Variants in SSPN observed in about 807,000 individuals in gnomAD.
SSPN encodes sarcospan.
SSPN carries 15 observed loss-of-function variants against 19.1 expected under a neutral mutation model. The ratio of observed to expected loss-of-function variants is 0.78; its 90% CI spans 0.52 to 1.21. The LOEUF (loss-of-function observed/expected upper bound fraction) is 1.21. SSPN is among the 50% of genes most tolerant of loss of function. SSPN has a pLI of 0.00. For synonymous variants in SSPN, 147 were observed against 140.3 expected (o/e 1.05, Z -0.34); for missense variants, 291 against 314.0 (o/e 0.93, Z 0.55).
At chr12:26,188,272 G>A (rs1438981045) in intron 1 of SSPN, among the ~76,000 whole-genome samples, 3 of 152,162 alleles carry the variant, frequency 2.0e-5, no homozygotes, top group Non-Finnish European at 4.4e-5. Context: ...TCATAGAAGT[G>A]TAGGGGAAAA....
chr12:26,209,533 T>C (rs1285525572), intron 1 of SSPN, among the ~76,000 whole-genome samples: 1 of 152,104 alleles, frequency 6.6e-6, no homozygotes, highest in East Asian at 1.9e-4. Context: ...GATTTTCTGG[T>C]TCACTTTTCC....
At chr12:26,122,609 G>A in intron 1 of SSPN, 1 of 1,133,144 alleles carries the variant, frequency 8.8e-7, no homozygotes, top group Non-Finnish European at 1.1e-6. Context: ...CCAGAAGCGC[G>A]GCTGCCGCCG....
intron 1 of SSPN, among the ~76,000 whole-genome samples, chr12:26,145,305 G>A (rs1397318075): frequency 3.3e-5 from 5 of 152,118 alleles, no homozygotes; most frequent in Admixed American, 6.5e-5. Context: ...TTCCACCTTC[G>A]GTTCAAGAAA....
chr12:26,220,247 CAAAAA>C (rs58022147), intron 1 of SSPN, among the ~76,000 whole-genome samples: 25 of 114,422 alleles, frequency 2.2e-4, no homozygotes, highest in East Asian at 2.2e-3. Context: ...AAGCTGTAGG[CAAAAA>C]AAAAAAAAAA....
In SSPN at chr12:26,232,081, T is replaced by G. The variant is rs534506085; in HGVS notation, c.*1005T>G. 7.1e-6 allele frequency: 7 copies of G among 985,298 alleles called. No homozygotes were observed. Among genetic ancestry groups the G allele is most frequent in the African/African-American group, 1.7e-5 (1 of 57,238 alleles). 61.0% of individuals were successfully genotyped at this position (985,298 alleles called of 1,614,324 possible). On this transcript the variant is annotated 3_prime_UTR_variant, in exon 3 of 3. Coordinates refer to ENST00000242729, the MANE Select transcript of SSPN (RefSeq NM_005086.5). ...AAACAAGAGCATTTGTAATAGGAAG[T>G]GTTTATACAAACAGCACATTTGTGA...
chr12:26,138,808 G>A (rs887597920), intron 1 of SSPN, among the ~76,000 whole-genome samples: 1 of 151,846 alleles, frequency 6.6e-6, no homozygotes, highest in Non-Finnish European at 1.5e-5. Context: ...ATCAATGATC[G>A]AGCATAAATT....
chr12:26,168,537 C>T (rs2137430797), intron 1 of SSPN, among the ~76,000 whole-genome samples: 1 of 152,324 alleles, frequency 6.6e-6, no homozygotes, highest in Non-Finnish European at 1.5e-5. Context: ...TACAGTTAGG[C>T]TGTTCAGAGA....
At chr12:26,125,656 C>G (rs572270246) in intron 1 of SSPN, 1 of 152,124 alleles carries the variant, frequency 6.6e-6, no homozygotes, top group South Asian at 2.1e-4. Context: ...TTCGGTGACA[C>G]GGCGTCCCTG....
chr12:26,122,960 A>C (rs1398699807), intron 1 of SSPN: 1 of 1,559,794 alleles, frequency 6.4e-7, no homozygotes. Flanking sequence ...CTTTGCTCAG[A>C]GGGACCTGTT....
chr12:26,164,555 A>G (rs945874753), intron 1 of SSPN, among the ~76,000 whole-genome samples: 6 of 152,320 alleles, frequency 3.9e-5, no homozygotes, highest in Middle Eastern at 3.4e-3. Context: ...AAATAAACCT[A>G]TGACGTGATG....
At chr12:26,181,501 G>A (rs571682782) in intron 1 of SSPN, among the ~76,000 whole-genome samples, 6 of 152,204 alleles carry the variant, frequency 3.9e-5, no homozygotes, top group East Asian at 3.9e-4. Context: ...TAAAAAGGGA[G>A]CACGGTAAGA....
rs552200400 is a variant in SSPN, at chr12:26,184,815, G to T, written c.-30-39478G>T. On this transcript the variant is annotated intron_variant, in intron 1 of 2. Coordinates refer to the SSPN transcript ENST00000538142. ...AAAACTTAGTTTTCAAAACTAAGGG[G>T]TTTTTTTTACATCATAATGTAATAT... is the stretch of plus-strand genomic sequence containing the variant. Among the ~76,000 whole-genome samples the T allele has an allele frequency of 8.2e-4, 124 of 151,936 alleles. 1 individual carries two copies. In the South Asian group the frequency reaches 9.2e-3, roughly 11 times the overall value.
upstream of SSPN, among the ~76,000 whole-genome samples, chr12:26,193,077 C>T (rs1206159181): frequency 6.6e-6 from 1 of 152,104 alleles, no homozygotes; most frequent in Non-Finnish European, 1.5e-5. Flanking sequence ...TAAATATATA[C>T]TATGGTGATG....
intron 1 of SSPN, among the ~76,000 whole-genome samples, chr12:26,138,652 G>T (rs1474794592): frequency 1.4e-5 from 2 of 141,266 alleles, no homozygotes; most frequent in Non-Finnish European, 3.0e-5. Context: ...CTATCACATT[G>T]CACAAGGAAA....
At chr12:26,186,792 T>A (rs1358298561) in intron 1 of SSPN, among the ~76,000 whole-genome samples, 1 of 152,188 alleles carries the variant, frequency 6.6e-6, no homozygotes, top group Non-Finnish European at 1.5e-5. Flanking sequence ...CAAGTATGGA[T>A]TGAGCCTCTA....
chr12:26,134,302 C>A (rs2137399221), intron 1 of SSPN, among the ~76,000 whole-genome samples: 1 of 152,324 alleles, frequency 6.6e-6, no homozygotes, highest in South Asian at 2.1e-4. Context: ...TCCTACTCAA[C>A]CTTCGGGTGT....
intron 1 of SSPN, among the ~76,000 whole-genome samples, chr12:26,123,396 C>T (rs1198438689): frequency 6.6e-6 from 1 of 152,064 alleles, no homozygotes; most frequent in African/African-American, 2.4e-5. Flanking sequence ...CAAAGTGGAG[C>T]GGGTGCAACC....
chr12:26,147,560 C>A (rs1209209234), intron 1 of SSPN, among the ~76,000 whole-genome samples: 1 of 152,136 alleles, frequency 6.6e-6, no homozygotes, highest in Non-Finnish European at 1.5e-5. Flanking sequence ...CGTGAGCCAC[C>A]ACGCCCAGCC....
chr12:26,189,013 G>GT (rs1189380377), intron 1 of SSPN, among the ~76,000 whole-genome samples: 2 of 151,912 alleles, frequency 1.3e-5, no homozygotes, highest in African/African-American at 4.8e-5. Flanking sequence ...AGATCTAGGT[G>GT]TTTTTTTGTT....
Sources: gnomAD v4.1 joint callset for allele counts (sites outside exome capture counted in the v4.1 genomes callset) on GRCh38, gnomAD v4.1.1 for gene constraint, MANE v1.5 for transcripts, NCBI Gene and HGNC (gene_info 2026-07-23, HGNC 2026-07-21) for gene names.